SEPTIN2: variants seen among roughly 807,000 people sequenced by gnomAD.
SEPTIN2 encodes septin-2.
A neutral mutation model predicts 46.5 loss-of-function variants in SEPTIN2; 34 were observed. The ratio of observed to expected loss-of-function variants is 0.73; its 90% CI spans 0.56 to 0.97. The LOEUF (loss-of-function observed/expected upper bound fraction) is 0.97, where lower values mean the gene tolerates loss of function less well. Ranked by LOEUF, SEPTIN2 falls within the 50% of genes least tolerant of loss-of-function variation. SEPTIN2 has a pLI of 0.00. For missense variants in SEPTIN2, 347 were observed against 448.4 expected (o/e 0.77, Z 2.04); for synonymous variants, 175 against 153.4 (o/e 1.14, Z -1.04).
chr2:241,333,464 T>A (rs940527786), intron 3 of SEPTIN2, among the ~76,000 whole-genome samples: 13 of 152,244 alleles, frequency 8.5e-5, no homozygotes, highest in Admixed American at 5.9e-4. Flanking sequence ...AAATTGCAGT[T>A]CACTTAAAAT....
intron 12 of SEPTIN2, 41 bp downstream of exon 12, chr2:241,350,244 C>T: frequency 9.7e-7 from 1 of 1,035,974 alleles, no homozygotes. Flanking sequence ...CAGGCAGTTA[C>T]TAACATTGTG....
chr2:241,339,603 C>A (rs1050210375), intron 7 of SEPTIN2, among the ~76,000 whole-genome samples: 1 of 152,190 alleles, frequency 6.6e-6, no homozygotes, highest in Non-Finnish European at 1.5e-5. Flanking sequence ...TATACTCTAA[C>A]TTGTCCAGTT....
chr2:241,325,994 A>C lies in SEPTIN2; in HGVS notation c.11A>C (p.Gln4Pro). Residue 4 changes from glutamine (Q) to proline (P), a missense_variant and splice_region_variant, in exon 3 of 13, where the codon CAA (glutamine) becomes CCA (proline). Gln to Pro is a moderately conservative substitution (Grantham distance 76). Transcript: ENST00000391971. ...TGTTTGTTTTTTAATCTTATTTAGC[A>C]ACAGCCAACTCAGTTTATAAATCCA... is the stretch of plus-strand genomic sequence containing the variant. MSK[Q>P]QPTQFINPET... 6.2e-7 allele frequency: 1 copy of C among 1,611,474 alleles called. No individual in the cohort carries two copies. Among genetic ancestry groups the C allele is most frequent in the East Asian group, 2.2e-5 (1 of 44,818 alleles).
At chr2:241,321,251 A>G (rs1332054392) in intron 1 of SEPTIN2, among the ~76,000 whole-genome samples, 3 of 152,026 alleles carry the variant, frequency 2.0e-5, no homozygotes, top group African/African-American at 7.3e-5. Flanking sequence ...AACTCTATTA[A>G]AGTTTCTCAC....
chr2:241,348,478 A>G (rs111656356), intron 11 of SEPTIN2, among the ~76,000 whole-genome samples: 1 of 152,076 alleles, frequency 6.6e-6, no homozygotes, highest in Non-Finnish European at 1.5e-5. Flanking sequence ...TGATCTGCCC[A>G]CCTTGGCCTC....
chr2:241,344,070 C>G (rs562570652), intron 9 of SEPTIN2, among the ~76,000 whole-genome samples, 173 bp downstream of exon 9: 1 of 152,306 alleles, frequency 6.6e-6, no homozygotes, highest in African/African-American at 2.4e-5. Context: ...TGCTGAGAAC[C>G]CTCACCCAGG....
At chr2:241,331,345 G>A (rs2078976773) in intron 3 of SEPTIN2, among the ~76,000 whole-genome samples, 1 of 152,202 alleles carries the variant, frequency 6.6e-6, no homozygotes, top group Non-Finnish European at 1.5e-5. Context: ...ATCTAAAGTT[G>A]TTAAGATCTG....
At chr2:241,320,232 T>C in intron 1 of SEPTIN2, 3 of 471,242 alleles carry the variant, frequency 6.4e-6, no homozygotes, top group Non-Finnish European at 1.3e-5. Flanking sequence ...GACTTTGGTC[T>C]TGTCCAAGGT....
chr2:241,347,465 TCTC>T (rs1240514899), intron 10 of SEPTIN2, among the ~76,000 whole-genome samples: 1 of 152,158 alleles, frequency 6.6e-6, no homozygotes, highest in Non-Finnish European at 1.5e-5. Context: ...AGAGCACAGT[TCTC>T]AGGTGTGCTT....
At chr2:241,325,059 A>G (rs1007485148) in intron 2 of SEPTIN2, 1 of 148,828 alleles carries the variant, frequency 6.7e-6, no homozygotes, top group Non-Finnish European at 1.5e-5. Flanking sequence ...CAGTGTTAGC[A>G]TGGAACACAG....
intron 7 of SEPTIN2, among the ~76,000 whole-genome samples, chr2:241,339,022 A>G (rs1347818619): frequency 1.7e-5 from 2 of 117,612 alleles, no homozygotes; most frequent in Non-Finnish European, 3.4e-5. Context: ...TTTATACATT[A>G]TATTTATATA....
chr2:241,351,971 C>T lies in SEPTIN2; in HGVS notation c.*34C>T, dbSNP rs541546225. ...GTTTTGTTTTCTTTTTTCTAGAAAA[C>T]ACTTTCCTGGATAAAAAAGAAAACA... On this transcript the variant is annotated 3_prime_UTR_variant, in exon 13 of 13. Transcript: ENST00000391971. 15 of 152,694 alleles carry T rather than the reference C, an allele frequency of 9.8e-5. No homozygotes were observed. The South Asian group carries it at 3.1e-3, about 32-fold the overall frequency. 9.5% of individuals were successfully genotyped at this position (152,694 alleles called of 1,614,324 possible).
intron 3 of SEPTIN2, among the ~76,000 whole-genome samples, chr2:241,331,636 C>T (rs1442787205): frequency 6.6e-6 from 1 of 152,188 alleles, no homozygotes; most frequent in East Asian, 1.9e-4. Context: ...AGTGATCCAC[C>T]CTTCTCAGCC....
chr2:241,338,652 A>G (rs966901467), intron 7 of SEPTIN2, among the ~76,000 whole-genome samples: 1 of 128,754 alleles, frequency 7.8e-6, no homozygotes, highest in East Asian at 2.1e-4. Flanking sequence ...TATATATTAC[A>G]TATATATTAT....
chr2:241,333,503 TTC>T (rs1269110257), intron 3 of SEPTIN2, among the ~76,000 whole-genome samples: 1 of 152,132 alleles, frequency 6.6e-6, no homozygotes, highest in East Asian at 1.9e-4. Context: ...GTCTGCATGT[TTC>T]TTTTTGTTTT....
intron 5 of SEPTIN2, chr2:241,337,086 T>G (rs2080145089): frequency 7.8e-6 from 2 of 257,120 alleles, no homozygotes; most frequent in Non-Finnish European, 1.5e-5. Flanking sequence ...AGTGCAAGAC[T>G]CAGTCTCAAA....
At chr2:241,339,487 A>T (rs1293020987) in intron 7 of SEPTIN2, among the ~76,000 whole-genome samples, 2 of 152,174 alleles carry the variant, frequency 1.3e-5, no homozygotes, top group African/African-American at 4.8e-5. Flanking sequence ...TCACATAGTA[A>T]TACTATTCTG....
In SEPTIN2 at chr2:241,322,787, G is replaced by A. The variant is rs541953610; in HGVS notation, c.-17-1429G>A. Among the ~76,000 whole-genome samples, 14 of 152,192 alleles carry A rather than the reference G, an allele frequency of 9.2e-5. No individual in the cohort carries two copies. The South Asian group carries it at 1.7e-3, about 18-fold the overall frequency. The stretch of plus-strand genomic sequence containing the variant: ...GTAGCTCTAGGAAACTCCAGTGGGT[G>A]GCAAACATGTTCAAGTTACAGTGCT... On this transcript the variant is annotated intron_variant, in intron 1 of 12. Transcript: ENST00000391971.
chr2:241,330,253 C>G (rs969995804), intron 3 of SEPTIN2, among the ~76,000 whole-genome samples: 3 of 152,140 alleles, frequency 2.0e-5, no homozygotes, highest in African/African-American at 7.2e-5. Context: ...ATAAACACCA[C>G]AGGGCTTGTG....
Sources: allele counts gnomAD v4.1 joint callset (sites outside exome capture counted in the v4.1 genomes callset), GRCh38; gene constraint gnomAD v4.1.1; transcripts MANE v1.5; gene names NCBI Gene and HGNC (gene_info 2026-07-23, HGNC 2026-07-21).